Variants in IL31RA observed in about 807,000 individuals in gnomAD.
IL31RA encodes the protein interleukin 31 receptor A, also known as interleukin-31 receptor subunit alpha.
In IL31RA, 66 loss-of-function variants were observed where a neutral mutation model predicts 83.7. That is an observed-to-expected ratio of 0.79 (90% CI 0.65 to 0.97). The LOEUF (loss-of-function observed/expected upper bound fraction) is 0.97, where lower values mean the gene tolerates loss of function less well. Ranked by LOEUF, IL31RA falls within the 50% of genes least tolerant of loss-of-function variation. IL31RA has a pLI of 0.00. For synonymous variants in IL31RA, 325 were observed against 329.0 expected (o/e 0.99, Z 0.13); for missense variants, 798 against 919.4 (o/e 0.87, Z 1.71).
intron 3 of IL31RA, among the ~76,000 whole-genome samples, chr5:55,871,540 A>G (rs1417481384): frequency 6.6e-6 from 1 of 152,132 alleles, no homozygotes; most frequent in South Asian, 2.1e-4. Flanking sequence ...TATCTAATCT[A>G]TCATCTATCT....
intron 2 of IL31RA, among the ~76,000 whole-genome samples, chr5:55,861,482 C>T (rs764193620): frequency 5.9e-5 from 9 of 152,150 alleles, no homozygotes; most frequent in African/African-American, 1.2e-4. Flanking sequence ...TTGTGTGCTC[C>T]TTATGATAAT....
chr5:55,864,800 C>T (rs1745937326), intron 2 of IL31RA, among the ~76,000 whole-genome samples: 1 of 151,638 alleles, frequency 6.6e-6, no homozygotes, highest in African/African-American at 2.4e-5. Flanking sequence ...TCTACACACA[C>T]ACCATTCACA....
intron 8 of IL31RA, among the ~76,000 whole-genome samples, 177 bp downstream of exon 8, chr5:55,900,309 T>C (rs997241481): frequency 1.3e-5 from 2 of 152,214 alleles, no homozygotes; most frequent in African/African-American, 4.8e-5. Context: ...TCACTTGAAG[T>C]CATGTTCCTT....
chr5:55,907,959 A>G (rs761781421), intron 10 of IL31RA, among the ~76,000 whole-genome samples: 16 of 152,240 alleles, frequency 1.1e-4, no homozygotes, highest in Non-Finnish European at 1.9e-4. Context: ...ATGGAGCCAT[A>G]TTCTTCAACT....
At chr5:55,860,768 A>G (rs187655243) in intron 2 of IL31RA, among the ~76,000 whole-genome samples, 27 of 152,326 alleles carry the variant, frequency 1.8e-4, no homozygotes, top group African/African-American at 6.3e-4. Context: ...GGTAGTGGGA[A>G]GGTGGGGAAG....
rs112720607 is a variant in IL31RA, at chr5:55,910,474, G to A, written c.1502-58G>A. On this transcript the variant is annotated intron_variant, in intron 11 of 14. Coordinates refer to ENST00000652347, the MANE Select transcript of IL31RA (RefSeq NM_139017.7). ...CAATGCTCTTATTTTGGTGCTACTG[G>A]GACACAATTTTCAGTCTGGTTTGGC... The A allele has an allele frequency of 8.5e-5, 137 of 1,606,162 alleles. No individual in the cohort carries two copies. The African/African-American group carries it at 1.5e-3, about 18-fold the overall frequency.
At chr5:55,911,136 G>A (rs781695816) in intron 12 of IL31RA, among the ~76,000 whole-genome samples, 4 of 152,268 alleles carry the variant, frequency 2.6e-5, no homozygotes, top group South Asian at 2.1e-4. Flanking sequence ...ACAGTTCCAC[G>A]TGGCTGGGGA....
At chr5:55,905,984 T>C in intron 8 of IL31RA, 122 bp from the exon 9 acceptor site, 1 of 935,126 alleles carries the variant, frequency 1.1e-6, no homozygotes, top group Non-Finnish European at 1.8e-6. Context: ...CCGGGGAGGC[T>C]GCAGTGGAGA....
At chr5:55,881,693 A>G (rs1330559890) in intron 4 of IL31RA, among the ~76,000 whole-genome samples, 2 of 134,002 alleles carry the variant, frequency 1.5e-5, no homozygotes, top group African/African-American at 5.7e-5. Context: ...GCCATGCTTG[A>G]GCCCACTCGC....
At chr5:55,885,440 A>T (rs1747528667) in intron 5 of IL31RA, among the ~76,000 whole-genome samples, 1 of 152,192 alleles carries the variant, frequency 6.6e-6, no homozygotes, top group Non-Finnish European at 1.5e-5. Flanking sequence ...GCTCCTGCTA[A>T]CAGGCTACCA....
chr5:55,914,722 A>T, intron 13 of IL31RA, 125 bp from the exon 14 acceptor site: 2 of 770,302 alleles, frequency 2.6e-6, no homozygotes, highest in South Asian at 2.9e-5. Flanking sequence ...TATTAGGCAG[A>T]CATGCCCTTA....
intron 4 of IL31RA, among the ~76,000 whole-genome samples, chr5:55,878,398 C>T (rs1746987801): frequency 6.6e-6 from 1 of 152,076 alleles, no homozygotes. Context: ...GCCATGTTTT[C>T]CTGTTTCTTT....
At chr5:55,852,818 C>T (rs1372467118) in intron 1 of IL31RA, among the ~76,000 whole-genome samples, 2 of 152,104 alleles carry the variant, frequency 1.3e-5, no homozygotes, top group African/African-American at 4.8e-5. Context: ...GCTCCACCAC[C>T]CATGTAGGAC....
At chr5:55,902,472 A>T (rs913930308) in intron 8 of IL31RA, 6 of 151,450 alleles carry the variant, frequency 4.0e-5, no homozygotes, top group Non-Finnish European at 7.4e-5. Context: ...AAAAAAAAAA[A>T]AAAAAAATAC....
chr5:55,893,332 A>G (rs1187221586), intron 6 of IL31RA, among the ~76,000 whole-genome samples: 3 of 152,222 alleles, frequency 2.0e-5, no homozygotes, highest in Admixed American at 1.3e-4. Context: ...AATTCAGAGA[A>G]ACTGACACTT....
At chr5:55,892,011 A>G (rs1226309457) in intron 6 of IL31RA, among the ~76,000 whole-genome samples, 1 of 151,858 alleles carries the variant, frequency 6.6e-6, no homozygotes, top group Non-Finnish European at 1.5e-5. Context: ...TCCTGACCTC[A>G]TGATCTGCCC....
intron 8 of IL31RA, chr5:55,902,462 A>C (rs1373083111): frequency 6.7e-6 from 1 of 149,998 alleles, no homozygotes; most frequent in Admixed American, 6.6e-5. Flanking sequence ...GTTTCTACAA[A>C]AAAAAAAAAA....
intron 6 of IL31RA, among the ~76,000 whole-genome samples, chr5:55,893,077 A>C (rs1748112574): frequency 6.6e-6 from 1 of 152,218 alleles, no homozygotes; most frequent in Non-Finnish European, 1.5e-5. Flanking sequence ...TTCTAAGTTG[A>C]ATGTGAAGCA....
chr5:55,847,245 A>ATG (rs1328447920), upstream of IL31RA, among the ~76,000 whole-genome samples: 2 of 18,204 alleles, frequency 1.1e-4, no homozygotes, highest in African/African-American at 2.3e-4. Context: ...AAAAAAATAA[A>ATG]AATAAATAAA....
Sources: allele counts gnomAD v4.1 joint callset (sites outside exome capture counted in the v4.1 genomes callset), GRCh38; gene constraint gnomAD v4.1.1; transcripts MANE v1.5; gene names NCBI Gene and HGNC (gene_info 2026-07-23, HGNC 2026-07-21).